Variants in HNRNPR observed in about 807,000 individuals in gnomAD.
The protein encoded by HNRNPR is heterogeneous nuclear ribonucleoprotein R.
In HNRNPR, 4 loss-of-function variants were observed where a neutral mutation model predicts 70.3. That is an observed-to-expected ratio of 0.06 (90% confidence interval 0.03 to 0.13). HNRNPR has a LOEUF of 0.13. HNRNPR is among the 10% of genes least tolerant of loss of function. HNRNPR has a pLI of 1.00. For synonymous variants in HNRNPR, 241 were observed against 267.6 expected (o/e 0.90, Z 0.97); for missense variants, 423 against 788.5 (o/e 0.54, Z 5.55).
At chr1:23,339,944 CA>C (rs1415968312) in intron 2 of HNRNPR, among the ~76,000 whole-genome samples, 1 of 151,686 alleles carries the variant, frequency 6.6e-6, no homozygotes, top group African/African-American at 2.4e-5. Flanking sequence ...GACTGATTTT[CA>C]AATGCGACCA....
chr1:23,333,412 C>A, intron 5 of HNRNPR, 106 bp downstream of exon 5: 1 of 644,116 alleles, frequency 1.6e-6, no homozygotes, highest in Non-Finnish European at 2.8e-6. Flanking sequence ...AACAGCTACA[C>A]TTTGAAAGGG....
At chr1:23,315,387 C>T (rs1225905960) in intron 8 of HNRNPR, among the ~76,000 whole-genome samples, 2 of 151,480 alleles carry the variant, frequency 1.3e-5, no homozygotes, top group Admixed American at 1.3e-4. Context: ...AAGTACTGTG[C>T]CATAGTTTAG....
intron 6 of HNRNPR, among the ~76,000 whole-genome samples, chr1:23,321,982 G>C (rs1442234337): frequency 6.6e-6 from 1 of 151,966 alleles, no homozygotes; most frequent in Non-Finnish European, 1.5e-5. Context: ...AAATACCTGA[G>C]ACTGATCATT....
chr1:23,321,270 C>T (rs912721290), intron 7 of HNRNPR, among the ~76,000 whole-genome samples: 1 of 151,526 alleles, frequency 6.6e-6, no homozygotes, highest in Non-Finnish European at 1.5e-5. Context: ...AAAGCATTCA[C>T]TTGAGGGCTA....
At chr1:23,317,405 TGGA>T (rs1645588317) in intron 8 of HNRNPR, among the ~76,000 whole-genome samples, 1 of 150,706 alleles carries the variant, frequency 6.6e-6, no homozygotes, top group Admixed American at 6.6e-5. Flanking sequence ...TTGCCGTGAG[TGGA>T]GATCGCGCCA....
intron 2 of HNRNPR, 78 bp from the exon 3 acceptor site, chr1:23,338,686 T>C (rs919719025): frequency 6.3e-6 from 4 of 639,526 alleles, no homozygotes; most frequent in Non-Finnish European, 1.1e-5. Context: ...TAATCAAGAA[T>C]TGTTACATTC....
intron 1 of HNRNPR, 77 bp from the exon 2 acceptor site, chr1:23,341,094 A>C: frequency 1.8e-6 from 2 of 1,085,368 alleles, no homozygotes; most frequent in Non-Finnish European, 2.7e-6. Context: ...TGATTTATCT[A>C]AACTAATTTG....
In HNRNPR at chr1:23,307,042, T is replaced by C. The variant is rs1645212831; in HGVS notation, c.*3412A>G. The C allele has an allele frequency of 6.6e-6, 1 of 152,214 alleles. No individual in the cohort carries two copies. Among genetic ancestry groups the C allele is most frequent in the Admixed American group, 6.5e-5 (1 of 15,288 alleles). 9.4% of individuals were successfully genotyped at this position (152,214 alleles called of 1,614,324 possible). A position where few individuals can be genotyped will look rare whatever the true frequency, so the allele number is the denominator to read the frequency against. On this transcript the variant is annotated 3_prime_UTR_variant, in exon 11 of 11. Coordinates refer to ENST00000302271, the MANE Select transcript of HNRNPR (RefSeq NM_005826.5). ...CACATAATAATTGTCCACATAATAA[T>C]GGACTACACTAATATTAACTTTGGT...
Position 23,333,745 on chromosome 1 carries a change from G to C in HNRNPR, c.385-114C>G, listed in dbSNP as rs1459632383. 5.7e-5 allele frequency: 33 copies of C among 580,130 alleles called. No individual in the cohort carries two copies. The East Asian group carries it at 8.9e-4, about 16-fold the overall frequency. 35.9% of individuals were successfully genotyped at this position (580,130 alleles called of 1,614,324 possible). A position where few individuals can be genotyped will look rare whatever the true frequency, so the allele number is the denominator to read the frequency against. On this transcript the variant is annotated intron_variant, in intron 4 of 10. Coordinates refer to ENST00000302271, the MANE Select transcript of HNRNPR (RefSeq NM_005826.5). The stretch of plus-strand genomic sequence containing the variant: ...ACTTCCTAGGAGATATATTTTTATG[G>C]TTAGGTAAAAAAAAAAGTCAAAATT...
At chr1:23,317,350 T>G (rs1557842820) in intron 8 of HNRNPR, among the ~76,000 whole-genome samples, 1 of 151,888 alleles carries the variant, frequency 6.6e-6, no homozygotes, top group South Asian at 2.1e-4. Flanking sequence ...CCCAGCTACT[T>G]GGGAGGCTGA....
In HNRNPR at chr1:23,318,011, A is replaced by G. The variant is rs952480850; in HGVS notation, c.1017+472T>C. ...TAATAATAATAAATAAAATATTTTTAAAAATAAAAACTACAAAAAAAGCTT... is the reference window on the plus strand; with the variant it reads ...TAATAATAATAAATAAAATATTTTTGAAAATAAAAACTACAAAAAAAGCTT... On this transcript the variant is annotated intron_variant, in intron 8 of 10. Transcript: ENST00000302271. The surrounding 1 kb of genome is among the most constrained non-coding windows in gnomAD (Gnocchi z 4.2). 6.6e-6 allele frequency among the ~76,000 whole-genome samples: 1 copy of G among 150,794 alleles called. No individual in the cohort carries two copies. The highest frequency in any genetic ancestry group is 1.9e-4 in the East Asian group (1 of 5,198).
intron 6 of HNRNPR, 118 bp from the exon 7 acceptor site, chr1:23,321,781 G>T: frequency 1.2e-6 from 1 of 867,694 alleles, no homozygotes; most frequent in Non-Finnish European, 1.7e-6. Context: ...AACTCACCAA[G>T]TTCCCTCATG....
intron 5 of HNRNPR, among the ~76,000 whole-genome samples, chr1:23,324,937 G>A (rs139380083): frequency 5.3e-5 from 8 of 151,764 alleles, no homozygotes; most frequent in African/African-American, 9.7e-5. Flanking sequence ...TCAGGAGACC[G>A]AGACCATCCT....
chr1:23,332,322 T>TA (rs1476484759), intron 5 of HNRNPR, among the ~76,000 whole-genome samples: 2 of 151,882 alleles, frequency 1.3e-5, no homozygotes, highest in Non-Finnish European at 2.9e-5. Context: ...CCATCAATAA[T>TA]ATCTCTCCAT....
chr1:23,339,685 A>T (rs181984232), intron 2 of HNRNPR, among the ~76,000 whole-genome samples: 118 of 152,304 alleles, frequency 7.7e-4, no homozygotes, highest in African/African-American at 2.4e-3. Context: ...GTTACTTTTT[A>T]AAAAAGTTGC....
rs528615011 is a variant in HNRNPR, at chr1:23,306,283, A to G, written c.*4171T>C. ...ATTATATGTTCCTATTAAGAACAAAATAATTTAATATTAAAGTCCTATTTT... is the reference window on the plus strand; with the variant it reads ...ATTATATGTTCCTATTAAGAACAAAGTAATTTAATATTAAAGTCCTATTTT... On this transcript the variant is annotated 3_prime_UTR_variant, in exon 11 of 11. Coordinates refer to ENST00000302271, the MANE Select transcript of HNRNPR (RefSeq NM_005826.5). 3 of 152,292 alleles carry G rather than the reference A, an allele frequency of 2.0e-5. No homozygotes were observed. In the South Asian group the frequency reaches 6.2e-4, roughly 32 times the overall value. 9.4% of individuals were successfully genotyped at this position (152,292 alleles called of 1,614,324 possible). A position where few individuals can be genotyped will look rare whatever the true frequency, so the allele number is the denominator to read the frequency against.
intron 9 of HNRNPR, among the ~76,000 whole-genome samples, chr1:23,312,439 G>A (rs1162887881): frequency 1.3e-5 from 2 of 152,158 alleles, no homozygotes; most frequent in African/African-American, 4.8e-5. Flanking sequence ...CGAGTCAGGA[G>A]GAATATTTAG....
In HNRNPR at chr1:23,311,195, A is replaced by C; in HGVS notation, c.1289+6T>G. On this transcript the variant is annotated splice_donor_region_variant and intron_variant, in intron 10 of 10. Transcript: ENST00000302271. ...CAAAGATATATCTACTAAAATGTAG[A>C]CTCACGCAGTGCTTCTGGAGGCCTG... 1 of 1,613,212 alleles carries C rather than the reference A, an allele frequency of 6.2e-7. No homozygotes were observed. The highest frequency in any genetic ancestry group is 1.7e-4 in the Middle Eastern group (1 of 5,942).
intron 5 of HNRNPR, among the ~76,000 whole-genome samples, chr1:23,331,136 A>G (rs964808422): frequency 6.6e-6 from 1 of 152,210 alleles, no homozygotes; most frequent in African/African-American, 2.4e-5. Context: ...TGCTGGAATC[A>G]TATTTGCTGT....
Sources: gnomAD v4.1 joint callset for allele counts (sites outside exome capture counted in the v4.1 genomes callset) on GRCh38, gnomAD v4.1.1 for gene constraint, Gnocchi (gnomAD v3.1) non-coding constraint, MANE v1.5 for transcripts, NCBI Gene and HGNC (gene_info 2026-07-23, HGNC 2026-07-21) for gene names.